The following DAB1 variants were observed in gnomAD, a reference collection of about 807,000 sequenced individuals.
DAB1 encodes DAB adaptor protein 1.
A neutral mutation model predicts 64.6 loss-of-function variants in DAB1; 15 were observed. The ratio of observed to expected loss-of-function variants is 0.23; its 90% CI spans 0.16 to 0.36. The LOEUF is 0.36. Among genes scored for constraint, DAB1 ranks in the 10% least tolerant of loss-of-function variants. The probability of loss-of-function intolerance (pLI) is 1.00; values close to 1 mark genes in which losing one functional copy is unlikely to be tolerated. For synonymous variants in DAB1, 235 were observed against 251.9 expected (o/e 0.93, Z 0.64); for missense variants, 596 against 706.7 (o/e 0.84, Z 1.78).
At position 58,530,720 on chromosome 1, in the gene DAB1, C is replaced by T. The variant is rs528925999; in HGVS notation, n.33-3385G>A. The stretch of plus-strand genomic sequence containing the variant: ...AAATCCAACAAATGAACCATGCCAG[C>T]CTTTTCTGCCTAAGAATAATCAAAA... On this transcript the variant is annotated intron_variant and non_coding_transcript_variant, in intron 1 of 20. Coordinates refer to the DAB1 transcript ENST00000485760. The T allele has an allele frequency of 3.4e-6, 3 of 872,354 alleles. No individual in the cohort carries two copies. In the East Asian group the frequency reaches 7.2e-5, roughly 21 times the overall value. 54.0% of individuals were successfully genotyped at this position (872,354 alleles called of 1,614,324 possible).
chr1:57,541,053 G>A (rs970071542), intron 7 of DAB1, among the ~76,000 whole-genome samples: 3 of 151,940 alleles, frequency 2.0e-5, no homozygotes, highest in Non-Finnish European at 4.4e-5. Context: ...ATCATGACAC[G>A]TTCTATGCAT....
At chr1:57,796,966 C>A (rs548755697) in intron 6 of DAB1, among the ~76,000 whole-genome samples, 1 of 152,300 alleles carries the variant, frequency 6.6e-6, no homozygotes, top group East Asian at 1.9e-4. Context: ...GCTGGCTTCC[C>A]CTTCTGTGTC....
At chr1:58,322,984 G>T (rs983637340) in intron 4 of DAB1, among the ~76,000 whole-genome samples, 1 of 151,346 alleles carries the variant, frequency 6.6e-6, no homozygotes, top group Admixed American at 6.6e-5. Context: ...GCAAACTATC[G>T]CAAGGACAGA....
chr1:57,614,868 C>CTTTTTTTTTTTTTTTTTT (rs34907824), intron 7 of DAB1, among the ~76,000 whole-genome samples: 5 of 38,742 alleles, frequency 1.3e-4, no homozygotes, highest in African/African-American at 2.9e-4. Flanking sequence ...TTCTTTCTTT[C>CTTTTTTTTTTTTTTTTTT]TTTTTTTTTT....
intron 9 of DAB1, among the ~76,000 whole-genome samples, chr1:57,059,969 A>T (rs1292397886): frequency 6.6e-6 from 1 of 152,112 alleles, no homozygotes; most frequent in African/African-American, 2.4e-5. Context: ...GCGGGTTGGG[A>T]GCCACTGCAT....
intron 5 of DAB1, among the ~76,000 whole-genome samples, chr1:58,079,674 C>G (rs752030076): frequency 6.6e-6 from 1 of 151,950 alleles, no homozygotes; most frequent in Non-Finnish European, 1.5e-5. Flanking sequence ...GCACCTGCCA[C>G]CACGCCTGGC....
At position 57,136,639 on chromosome 1, in the gene DAB1, G is replaced by A. The variant is rs143307821; in HGVS notation, c.210C>T (p.Gly70=). Residue 70 remains glycine, a splice_region_variant and synonymous_variant, in exon 4 of 15, where the codon GGC becomes GGT. Transcript: ENST00000371236. Reference sequence around the variant, plus strand: ...CTTTGGAACGAGCGCCAGCAACAACGCCCTGTTGAAAGGAAGAACATGGTT... The same window carrying A: ...CTTTGGAACGAGCGCCAGCAACAACACCCTGTTGAAAGGAAGAACATGGTT... ...LCQDSMMKLK[G]VVAGARSKGE... The A allele has an allele frequency of 2.4e-5, 37 of 1,510,250 alleles. No homozygotes were observed. Among genetic ancestry groups the A allele is most frequent in the African/African-American group, 5.5e-5 (4 of 72,288 alleles). 93.6% of individuals were successfully genotyped at this position (1,510,250 alleles called of 1,614,324 possible).
chr1:57,945,740 C>T (rs989173493), intron 5 of DAB1, among the ~76,000 whole-genome samples: 1 of 152,150 alleles, frequency 6.6e-6, no homozygotes, highest in Non-Finnish European at 1.5e-5. Flanking sequence ...ATACAAACTT[C>T]TGTGTTCCAT....
chr1:57,166,160 G>A lies in DAB1; in HGVS notation c.68-20731C>T, dbSNP rs12061435. ...GTTTATGCCATCAATAGCCCTATGAGGTAGGTATTGTTATTTTTTTAATTT... is the reference window on the plus strand; with the variant it reads ...GTTTATGCCATCAATAGCCCTATGAAGTAGGTATTGTTATTTTTTTAATTT... On this transcript the variant is annotated intron_variant, in intron 2 of 14. Coordinates refer to ENST00000371236, the MANE Select transcript of DAB1 (RefSeq NM_001365792.1). Among the ~76,000 whole-genome samples the A allele has an allele frequency of 3.4e-3, 525 of 152,240 alleles. 5 individuals carry two copies. Among genetic ancestry groups the A allele is most frequent in the African/African-American group, 0.012 (505 of 41,536 alleles).
At chr1:58,124,993 G>A (rs144447104) in intron 5 of DAB1, among the ~76,000 whole-genome samples, 75 of 152,128 alleles carry the variant, frequency 4.9e-4, no homozygotes, top group African/African-American at 1.7e-3. Context: ...TGTTGCTGTC[G>A]TTATTATTAT....
At chr1:57,162,436 C>T (rs1391485009) in intron 2 of DAB1, among the ~76,000 whole-genome samples, 3 of 152,200 alleles carry the variant, frequency 2.0e-5, no homozygotes, top group Non-Finnish European at 2.9e-5. Flanking sequence ...GTGCAGAACC[C>T]CTAACTTAGA....
At chr1:57,013,874 G>C (rs1412762762) in intron 12 of DAB1, among the ~76,000 whole-genome samples, 1 of 152,152 alleles carries the variant, frequency 6.6e-6, no homozygotes, top group Non-Finnish European at 1.5e-5. Flanking sequence ...ATATGAGCTG[G>C]AGGAGACTCA....
At chr1:58,447,422 A>G (rs973235806) in intron 3 of DAB1, among the ~76,000 whole-genome samples, 3 of 152,176 alleles carry the variant, frequency 2.0e-5, no homozygotes, top group South Asian at 2.1e-4. Flanking sequence ...CTTTCCTGCT[A>G]TGTACCAGTT....
chr1:58,161,759 G>C (rs564101013), intron 4 of DAB1, among the ~76,000 whole-genome samples: 3 of 152,216 alleles, frequency 2.0e-5, no homozygotes, highest in Admixed American at 1.3e-4. Flanking sequence ...TTAGTAAGTA[G>C]TAAAACTTGG....
rs1213496913 is a variant in DAB1 at position 57,580,784 on chromosome 1, C to A, written n.625+68808G>T. ...CTTTACAGACAACTAATCTCATCCT[C>A]ATAATAATCTTATAATTTGGGTATG... On this transcript the variant is annotated intron_variant and non_coding_transcript_variant, in intron 7 of 20. Coordinates refer to the DAB1 transcript ENST00000485760. Among the ~76,000 whole-genome samples the A allele has an allele frequency of 2.6e-5, 4 of 152,174 alleles. No individual in the cohort carries two copies. In the East Asian group the frequency reaches 5.8e-4, roughly 22 times the overall value.
chr1:58,263,574 C>T (rs939474159), intron 4 of DAB1, among the ~76,000 whole-genome samples: 4 of 152,186 alleles, frequency 2.6e-5, no homozygotes, highest in Non-Finnish European at 5.9e-5. Flanking sequence ...CCTCATAAGG[C>T]AGTTGCTAGA....
chr1:57,866,458 C>G (rs1654304130), intron 1 of DAB1: 1 of 152,130 alleles, frequency 6.6e-6, no homozygotes, highest in Admixed American at 6.6e-5. Context: ...GGCCATGTAT[C>G]TGTAGTTTGT....
At chr1:57,490,157 T>A (rs1644143641) in intron 7 of DAB1, among the ~76,000 whole-genome samples, 2 of 152,212 alleles carry the variant, frequency 1.3e-5, no homozygotes, top group South Asian at 2.1e-4. Flanking sequence ...TGGTGAGAAA[T>A]AAATTTCTGT....
At chr1:57,489,110 G>T (rs2101269301) in intron 7 of DAB1, among the ~76,000 whole-genome samples, 1 of 152,322 alleles carries the variant, frequency 6.6e-6, no homozygotes, top group Non-Finnish European at 1.5e-5. Flanking sequence ...TTGAAAGTGG[G>T]TGTCAGGATA....
Sources: gnomAD v4.1 joint callset for allele counts (sites outside exome capture counted in the v4.1 genomes callset) on GRCh38, gnomAD v4.1.1 for gene constraint, MANE v1.5 for transcripts, NCBI Gene and HGNC (gene_info 2026-07-23, HGNC 2026-07-21) for gene names.